The following SLC25A48 variants were observed in gnomAD, a reference collection of about 807,000 sequenced individuals.
SLC25A48 encodes CTC-321K16.1.
SLC25A48 carries 29 observed loss-of-function variants against 32.2 expected under a neutral mutation model. That is an observed-to-expected ratio of 0.90 (90% confidence interval 0.67 to 1.23). SLC25A48 has a LOEUF of 1.23. SLC25A48 is among the 50% of genes most tolerant of loss of function. The pLI, the probability that SLC25A48 is intolerant of heterozygous loss-of-function variation, is 0.00. For missense variants in SLC25A48, 399 were observed against 422.7 expected (o/e 0.94, Z 0.49); for synonymous variants, 164 against 172.3 (o/e 0.95, Z 0.38).
At chr5:135,842,072 CT>C (rs528604802) in intron 1 of SLC25A48, among the ~76,000 whole-genome samples, 14 of 152,272 alleles carry the variant, frequency 9.2e-5, no homozygotes, top group African/African-American at 3.4e-4. Context: ...GTTTAAGAAT[CT>C]TATAGTTTTG....
chr5:135,829,072 T>G (rs1045212475), intron 4 of SLC25A48, among the ~76,000 whole-genome samples: 2 of 152,076 alleles, frequency 1.3e-5, no homozygotes, highest in Admixed American at 1.3e-4. Flanking sequence ...GATTTATGGG[T>G]CTCCCCCAGC....
At chr5:135,679,258 C>A (rs1753838254) in intron 3 of SLC25A48, among the ~76,000 whole-genome samples, 1 of 152,128 alleles carries the variant, frequency 6.6e-6, no homozygotes, top group Non-Finnish European at 1.5e-5. Flanking sequence ...TTGGGTAGGC[C>A]TGACTGCAGG....
At chr5:135,858,606 G>A (rs1311566872) in intron 4 of SLC25A48, among the ~76,000 whole-genome samples, 1 of 152,222 alleles carries the variant, frequency 6.6e-6, no homozygotes, top group Non-Finnish European at 1.5e-5. Flanking sequence ...CATACCCCCA[G>A]GTCCCTCCCT....
At chr5:135,779,105 A>T (rs956474846) in intron 3 of SLC25A48, among the ~76,000 whole-genome samples, 1 of 151,896 alleles carries the variant, frequency 6.6e-6, no homozygotes, top group African/African-American at 2.4e-5. Flanking sequence ...AAGGAGAAAG[A>T]GGATTATATT....
At chr5:135,765,310 C>G (rs1314601459) in intron 3 of SLC25A48, among the ~76,000 whole-genome samples, 1 of 150,700 alleles carries the variant, frequency 6.6e-6, no homozygotes, top group Non-Finnish European at 1.5e-5. Context: ...GGTAATGTTA[C>G]TTTCCATATC....
intron 3 of SLC25A48, among the ~76,000 whole-genome samples, chr5:135,769,300 G>A (rs1477876056): frequency 2.0e-5 from 3 of 151,394 alleles, no homozygotes; most frequent in African/African-American, 7.3e-5. Context: ...CACGGGTGGT[G>A]TACATTCCTT....
intron 3 of SLC25A48, among the ~76,000 whole-genome samples, chr5:135,687,146 G>A (rs948904599): frequency 2.6e-5 from 4 of 152,100 alleles, no homozygotes; most frequent in African/African-American, 9.7e-5. Flanking sequence ...TGGGAACCAG[G>A]GAGACTGAAA....
chr5:135,729,092 G>A (rs1460944480), intron 3 of SLC25A48, among the ~76,000 whole-genome samples: 5 of 151,972 alleles, frequency 3.3e-5, no homozygotes, highest in Non-Finnish European at 7.4e-5. Context: ...CCTTCCATGT[G>A]CCTAGTAATT....
At chr5:135,619,803 T>C (rs1396662750) in intron 1 of SLC25A48, among the ~76,000 whole-genome samples, 2 of 152,128 alleles carry the variant, frequency 1.3e-5, no homozygotes, top group Non-Finnish European at 2.9e-5. Flanking sequence ...GCTTGGGGTA[T>C]GGTTGTTAGG....
chr5:135,647,093 C>CA (rs11443975), intron 3 of SLC25A48, among the ~76,000 whole-genome samples: 152,212 of 152,212 alleles, frequency 1, 76,106 homozygotes, highest in Non-Finnish European at 1. Context: ...GTACTTATAT[C>CA]ACACGTCATG....
intron 3 of SLC25A48, among the ~76,000 whole-genome samples, chr5:135,759,829 CTTTT>C (rs34301836): frequency 1.5e-4 from 18 of 119,482 alleles, no homozygotes; most frequent in Non-Finnish European, 1.3e-4. Flanking sequence ...TATATATCAT[CTTTT>C]TTTTTTTTTT....
At chr5:135,650,351 C>A (rs563740153) in intron 3 of SLC25A48, 1 of 449,600 alleles carries the variant, frequency 2.2e-6, no homozygotes, top group South Asian at 1.6e-5. Flanking sequence ...TGAGAATGGA[C>A]GGACATTGCC....
chr5:135,872,985 C>T (rs1007457381), intron 5 of SLC25A48, among the ~76,000 whole-genome samples: 7 of 152,210 alleles, frequency 4.6e-5, no homozygotes, highest in Admixed American at 2.0e-4. Context: ...GCCCCATTTG[C>T]TCTCACTTTT....
intron 3 of SLC25A48, among the ~76,000 whole-genome samples, chr5:135,691,424 A>G (rs1273514412): frequency 6.6e-6 from 1 of 152,156 alleles, no homozygotes; most frequent in Non-Finnish European, 1.5e-5. Flanking sequence ...GGAAGGTGGG[A>G]AAGAGTCAGG....
At chr5:135,754,778 G>A (rs1421406456) in intron 3 of SLC25A48, among the ~76,000 whole-genome samples, 1 of 136,014 alleles carries the variant, frequency 7.4e-6, no homozygotes, top group Non-Finnish European at 1.6e-5. Flanking sequence ...TATACACTGT[G>A]ATATTAGTGA....
chr5:135,768,313 A>G lies in SLC25A48; in HGVS notation c.-520-44210A>G, dbSNP rs79697463. ...GTTTGTAATATGCAACGAAAGAAGG[A>G]TGATATTACTCCCAATTTCCAGCGA... On this transcript the variant is annotated intron_variant, in intron 3 of 10. Coordinates refer to the SLC25A48 transcript ENST00000646290. Among the ~76,000 whole-genome samples, 1,057 of 150,534 alleles carry G rather than the reference A, an allele frequency of 7.0e-3. 10 individuals are homozygous for G. Among genetic ancestry groups the G allele is most frequent in the African/African-American group, 0.024 (989 of 41,020 alleles).
intron 1 of SLC25A48, among the ~76,000 whole-genome samples, chr5:135,586,654 G>T (rs1218600479): frequency 6.6e-6 from 1 of 152,212 alleles, no homozygotes; most frequent in Non-Finnish European, 1.5e-5. Context: ...CATTGAGGAG[G>T]ATGGTTCAGG....
intron 3 of SLC25A48, among the ~76,000 whole-genome samples, chr5:135,663,120 C>CA (rs1753443412): frequency 6.6e-6 from 1 of 152,192 alleles, no homozygotes; most frequent in Non-Finnish European, 1.5e-5. Context: ...GGAATTTTTC[C>CA]ATGACATATC....
intron 3 of SLC25A48, among the ~76,000 whole-genome samples, chr5:135,684,753 A>G (rs1006290114): frequency 6.6e-6 from 1 of 152,240 alleles, no homozygotes. Flanking sequence ...TTTGTTTCAC[A>G]TAACTGCATA....
Sources: allele counts gnomAD v4.1 joint callset (sites outside exome capture counted in the v4.1 genomes callset), GRCh38; gene constraint gnomAD v4.1.1; transcripts MANE v1.5; gene names NCBI Gene and HGNC (gene_info 2026-07-23, HGNC 2026-07-21).